The following OPHN1 variants were observed in gnomAD, a reference collection of about 807,000 sequenced individuals.
OPHN1 encodes oligophrenin-1.
In OPHN1, 11 loss-of-function variants were observed where a neutral mutation model predicts 60.7. That is an observed-to-expected ratio of 0.18 (90% CI 0.11 to 0.30). The LOEUF (loss-of-function observed/expected upper bound fraction) is 0.30. OPHN1 is among the 10% of genes least tolerant of loss of function. The pLI is 1.00. For missense variants in OPHN1, 449 were observed against 611.0 expected, an observed-to-expected ratio of 0.73 and a Z score of 2.80; for synonymous variants, 226 against 222.6, an observed-to-expected ratio of 1.02 and a Z score of -0.14.
At chrX:68,298,809 T>C (rs759592696) in intron 3 of OPHN1, among the ~76,000 whole-genome samples, 192 bp downstream of exon 3, 1 of 112,153 alleles carries the variant, frequency 8.9e-6, no homozygotes, top group Non-Finnish European at 1.9e-5. Context: ...ATCTTTTGAT[T>C]GCTGTCGTGT....
chrX:68,130,539 T>C (rs1324732377), intron 15 of OPHN1, among the ~76,000 whole-genome samples: 3 of 111,751 alleles, frequency 2.7e-5, no homozygotes, highest in African/African-American at 6.5e-5. Context: ...TTTTGTATCA[T>C]AGTATATAGC....
chrX:68,145,728 T>G (rs745425942), intron 15 of OPHN1, among the ~76,000 whole-genome samples: 71 of 112,051 alleles, frequency 6.3e-4, no homozygotes, highest in African/African-American at 2.1e-3. Flanking sequence ...ATAAATGCAT[T>G]TTTTAGCAGG....
intron 18 of OPHN1, among the ~76,000 whole-genome samples, chrX:68,106,970 T>C (rs1455997513): frequency 1.8e-5 from 2 of 112,121 alleles, no homozygotes; most frequent in East Asian, 2.8e-4. Flanking sequence ...ATACTGTCTA[T>C]ACCTAGACTC....
chrX:68,287,190 G>GAAAGAAAGAAAGAAAGAAAGAAAGA (rs1569269520), intron 3 of OPHN1, among the ~76,000 whole-genome samples: 1 of 56,580 alleles, frequency 1.8e-5, no homozygotes, highest in African/African-American at 2.5e-4. Context: ...AGAAAGAAAA[G>GAAAGAAAGAAAGAAAGAAAGAAAGA]GGAGGGAGGG....
intron 2 of OPHN1, among the ~76,000 whole-genome samples, chrX:68,353,541 T>C (rs1461601076): frequency 9.1e-6 from 1 of 109,561 alleles, no homozygotes; most frequent in African/African-American, 3.3e-5. Context: ...ACCACTGCAT[T>C]CCAGCCTGGG....
rs2077070116 is a variant in OPHN1, at chrX:68,103,808, G to C, written c.1527-6779C>G. ...ACCACTCCTATTCAACATAGTATTG[G>C]AAGTTCTGGCCAGGGCAATCAGGCA... On this transcript the variant is annotated intron_variant, in intron 18 of 24. Coordinates refer to ENST00000355520, the MANE Select transcript of OPHN1 (RefSeq NM_002547.3). Among the ~76,000 whole-genome samples, 4 of 111,741 alleles carry C rather than the reference G, an allele frequency of 3.6e-5. No homozygotes were observed. The South Asian group carries it at 1.5e-3, about 42-fold the overall frequency.
chrX:68,133,686 A>G (rs770957307), intron 15 of OPHN1, among the ~76,000 whole-genome samples: 28 of 112,394 alleles, frequency 2.5e-4, no homozygotes, highest in Non-Finnish European at 4.5e-4. Flanking sequence ...TTTCCAAAAC[A>G]AAATACTTGG....
At chrX:68,293,023 G>A (rs1247633201) in intron 3 of OPHN1, among the ~76,000 whole-genome samples, 1 of 112,081 alleles carries the variant, frequency 8.9e-6, no homozygotes, top group Non-Finnish European at 1.9e-5. Flanking sequence ...GCTTCAAGAT[G>A]TATAACCAAA....
At chrX:68,252,192 T>C (rs1474279265) in intron 5 of OPHN1, among the ~76,000 whole-genome samples, 1 of 111,395 alleles carries the variant, frequency 9.0e-6, no homozygotes, top group Non-Finnish European at 1.9e-5. Flanking sequence ...CCAAGCCCCA[T>C]CGAACCTAAT....
At position 68,216,291 on chromosome X, in the gene OPHN1, T is replaced by C. The variant is rs1014528692; in HGVS notation, c.487-2319A>G. Among the ~76,000 whole-genome samples, 19 of 110,851 alleles carry C rather than the reference T, an allele frequency of 1.7e-4. No homozygotes were observed. The East Asian group carries it at 5.3e-3, about 31-fold the overall frequency. On this transcript the variant is annotated intron_variant, in intron 6 of 24. Coordinates refer to ENST00000355520, the MANE Select transcript of OPHN1 (RefSeq NM_002547.3). Reference sequence around the variant, plus strand: ...AATAAGATCATATAAAATATTCTCTTAAAAAAGAGAAGTCAAAAGAAGACT... The same window carrying C: ...AATAAGATCATATAAAATATTCTCTCAAAAAAGAGAAGTCAAAAGAAGACT...
At chrX:68,076,112 A>G (rs906011038) in intron 19 of OPHN1, among the ~76,000 whole-genome samples, 1 of 110,824 alleles carries the variant, frequency 9.0e-6, no homozygotes, top group African/African-American at 3.3e-5. Flanking sequence ...CCCAAAACTC[A>G]ATAACTCAAT....
chrX:68,228,428 T>C (rs1408352165), intron 6 of OPHN1, among the ~76,000 whole-genome samples: 1 of 109,097 alleles, frequency 9.2e-6, no homozygotes, highest in Non-Finnish European at 1.9e-5. Flanking sequence ...ATCATCCTGA[T>C]ACCAAAGCCT....
rs769248083 is a variant in OPHN1 at position 68,064,110 on chromosome X, T to A, written c.1902A>T (p.Gln634His). 1.7e-5 allele frequency: 20 copies of A among 1,208,122 alleles called. No individual in the cohort carries two copies. The highest frequency in any genetic ancestry group is 2.2e-5 in the Non-Finnish European group (20 of 894,434). The change falls in exon 21 of 25, where the codon CAA becomes CAT. Residue 634 changes from glutamine (Q) to histidine (H), a missense_variant. Physicochemically the swap from Gln to His is conservative, Grantham distance 24 (BLOSUM62 0). Coordinates refer to ENST00000355520, the MANE Select transcript of OPHN1 (RefSeq NM_002547.3). ...TCCTCTGAATAGGTAGTTTGGGGTG[T>A]TGTGGTGGCTTGGGGGGTTCTATGC... ...TSSIEPPKPP[Q>H]HPKLPIQRSG...
At chrX:68,275,623 T>C (rs778987717) in intron 4 of OPHN1, among the ~76,000 whole-genome samples, 2 of 111,674 alleles carry the variant, frequency 1.8e-5, no homozygotes, top group Non-Finnish European at 3.8e-5. Flanking sequence ...GCATTAATTT[T>C]TATTAATTAC....
intron 15 of OPHN1, among the ~76,000 whole-genome samples, chrX:68,164,554 G>T (rs1011532573): frequency 2.7e-5 from 3 of 111,885 alleles, no homozygotes; most frequent in African/African-American, 9.8e-5. Context: ...AGTAAATCGT[G>T]CTGTAAACAG....
chrX:68,414,002 T>G (rs1300873939), intron 2 of OPHN1, among the ~76,000 whole-genome samples: 3 of 111,677 alleles, frequency 2.7e-5, no homozygotes, highest in Admixed American at 9.6e-5. Flanking sequence ...ACAAGAACTC[T>G]GTCTCTCTTA....
At chrX:68,392,309 A>T (rs919546461) in intron 2 of OPHN1, among the ~76,000 whole-genome samples, 3 of 111,981 alleles carry the variant, frequency 2.7e-5, no homozygotes, top group Non-Finnish European at 5.6e-5. Context: ...AATACCGTAT[A>T]TAATACATAT....
intron 18 of OPHN1, among the ~76,000 whole-genome samples, chrX:68,110,442 G>A (rs753033512): frequency 3.6e-5 from 4 of 111,574 alleles, no homozygotes; most frequent in South Asian, 7.6e-4. Flanking sequence ...CTTGGGTCTC[G>A]TCACATGTTG....
intron 2 of OPHN1, among the ~76,000 whole-genome samples, chrX:68,385,060 A>T (rs1049536309): frequency 9.0e-6 from 1 of 111,274 alleles, no homozygotes; most frequent in Admixed American, 9.7e-5. Flanking sequence ...TATTGAAATA[A>T]TTTTTTTAAA....
Sources: gnomAD v4.1 joint callset for allele counts (sites outside exome capture counted in the v4.1 genomes callset) on GRCh38, gnomAD v4.1.1 for gene constraint, MANE v1.5 for transcripts, NCBI Gene and HGNC (gene_info 2026-07-23, HGNC 2026-07-21) for gene names.